Variants in WDR43 observed in about 807,000 individuals in gnomAD.
The protein encoded by WDR43 is WD repeat domain 43, also known as WD repeat-containing protein 43.
WDR43 carries 13 observed loss-of-function variants against 91.4 expected under a neutral mutation model. The ratio of observed to expected loss-of-function variants is 0.14; its 90% CI spans 0.09 to 0.23. WDR43 has a LOEUF of 0.23. Ranked by LOEUF, WDR43 falls within the 10% of genes least tolerant of loss-of-function variation. WDR43 has a pLI of 1.00. For synonymous variants in WDR43, 331 were observed against 287.9 expected (o/e 1.15, Z -1.51); for missense variants, 780 against 809.4 (o/e 0.96, Z 0.44).
chr2:28,914,009 C>T, intron 4 of WDR43, 60 bp from the exon 5 acceptor site: 1 of 1,588,422 alleles, frequency 6.3e-7, no homozygotes. Context: ...ATAATATATA[C>T]TATTAATTTT....
intron 1 of WDR43, among the ~76,000 whole-genome samples, chr2:28,897,640 G>A (rs1331901384): frequency 6.6e-6 from 1 of 152,214 alleles, no homozygotes; most frequent in Non-Finnish European, 1.5e-5. Flanking sequence ...TGTAAGAAAA[G>A]TATTCTATGT....
chr2:28,922,906 A>G lies in WDR43; in HGVS notation c.850-13A>G, dbSNP rs745603541. Reference sequence around the variant, plus strand: ...TTATCCATTATAATACGTTGGTTACATTTTTCTTTTAGCCTGTCAAGTTGG... The same window carrying G: ...TTATCCATTATAATACGTTGGTTACGTTTTTCTTTTAGCCTGTCAAGTTGG... On this transcript the variant is annotated splice_polypyrimidine_tract_variant and intron_variant, in intron 6 of 17. Coordinates refer to ENST00000407426, the MANE Select transcript of WDR43 (RefSeq NM_015131.3). The G allele has an allele frequency of 6.2e-6, 10 of 1,605,122 alleles. No individual in the cohort carries two copies. In the Admixed American group the frequency reaches 1.2e-4, roughly 19 times the overall value.
At chr2:28,916,984 C>A (rs964274706) in intron 5 of WDR43, among the ~76,000 whole-genome samples, 3 of 152,292 alleles carry the variant, frequency 2.0e-5, no homozygotes, top group Non-Finnish European at 2.9e-5. Context: ...TTATTTAACA[C>A]ATATTTTCAC....
chr2:28,916,149 T>C (rs1286001822), intron 5 of WDR43, among the ~76,000 whole-genome samples: 1 of 152,222 alleles, frequency 6.6e-6, no homozygotes, highest in Non-Finnish European at 1.5e-5. Flanking sequence ...TCCTCATGTC[T>C]TCTTGTAATC....
rs527996600 is a variant in WDR43 at position 28,894,722 on chromosome 2, C to G, written c.24C>G (p.Ser8Arg). Residue 8 changes from serine to arginine, a missense_variant, in exon 1 of 18, where the codon AGC (serine) becomes AGG (arginine). By Grantham distance (110) the Ser-to-Arg change is moderately radical (BLOSUM62 -1). This residue lies in a region of WDR43 where 175 missense variants were observed against 113.8 expected (regional missense o/e 1.54). Transcript: ENST00000407426. ...CAATGGCGGCGGGCGGCGGCGGTAG[C>G]TGCGACCCCCTGGCCCCTGCTGGGG... MAAGGGGSCDPLAPAGVP... is the reference protein window; with the variant it reads MAAGGGGRCDPLAPAGVP... 8.3e-6 allele frequency: 13 copies of G among 1,568,948 alleles called. No homozygotes were observed. The African/African-American group carries it at 9.5e-5, about 11-fold the overall frequency.
At position 28,929,934 on chromosome 2, in the gene WDR43, C is replaced by T. The variant is rs572568058; in HGVS notation, c.1437+224C>T. On this transcript the variant is annotated intron_variant, in intron 11 of 17. Coordinates refer to ENST00000407426, the MANE Select transcript of WDR43 (RefSeq NM_015131.3). ...ATTTTGAACCTGGAATGCATTTTCT[C>T]ATAGAAATACTGTTCTGAATTATTA... The T allele has an allele frequency of 1.9e-5, 11 of 586,626 alleles. No individual in the cohort carries two copies. The East Asian group carries it at 2.5e-4, about 13-fold the overall frequency. The allele number at this position is 586,626 out of a possible 1,614,324, so 36.3% of individuals were successfully genotyped here.
At chr2:28,903,334 G>T (rs1284446917) in intron 2 of WDR43, among the ~76,000 whole-genome samples, 2 of 151,964 alleles carry the variant, frequency 1.3e-5, no homozygotes, top group Non-Finnish European at 2.9e-5. Flanking sequence ...GAGCCAAAGG[G>T]TTGCTATATA....
At chr2:28,895,715 T>A (rs1309294705) in intron 1 of WDR43, 1 of 152,196 alleles carries the variant, frequency 6.6e-6, no homozygotes, top group Non-Finnish European at 1.5e-5. Context: ...AGCTTTTCAT[T>A]GTTAGGGACC....
chr2:28,927,780 G>A lies in WDR43; in HGVS notation c.1305+80G>A, dbSNP rs929207194. On this transcript the variant is annotated intron_variant, in intron 10 of 17. Transcript: ENST00000407426. ...AATTCTAACAAGTGTGTTGGATAGA[G>A]CCAAAGTTAAATCTTTAGAAATTTA... 3 of 1,560,458 alleles carry A rather than the reference G, an allele frequency of 1.9e-6. No individual in the cohort carries two copies. In the African/African-American group the frequency reaches 4.1e-5, roughly 21 times the overall value.
chr2:28,945,387 C>G (rs961741836), intron 16 of WDR43, among the ~76,000 whole-genome samples: 1 of 152,174 alleles, frequency 6.6e-6, no homozygotes, highest in Non-Finnish European at 1.5e-5. Flanking sequence ...AAACTAGACT[C>G]GAGTTTTGCA....
intron 14 of WDR43, among the ~76,000 whole-genome samples, chr2:28,939,003 G>A (rs543544243): frequency 6.7e-6 from 1 of 149,102 alleles, no homozygotes; most frequent in Non-Finnish European, 1.5e-5. Context: ...GGTGGCCTGG[G>A]AACACTGGTG....
chr2:28,927,544 C>A, intron 9 of WDR43, 25 bp from the exon 10 acceptor site: 1 of 1,611,338 alleles, frequency 6.2e-7, no homozygotes, highest in Non-Finnish European at 8.5e-7. Context: ...TCCTTTTTCA[C>A]ACTTTGGCTA....
rs567852317 is a variant in WDR43 at position 28,948,150 on chromosome 2, T to C, written c.*1371T>C. 23 of 152,332 alleles carry C rather than the reference T, an allele frequency of 1.5e-4. No homozygotes were observed. The highest frequency in any genetic ancestry group is 5.3e-4 in the African/African-American group (22 of 41,578). The allele number at this position is 152,332 out of a possible 1,614,324, so 9.4% of individuals were successfully genotyped here. A position where few individuals can be genotyped will look rare whatever the true frequency, so the allele number is the denominator to read the frequency against. The stretch of plus-strand genomic sequence containing the variant: ...TGTAATGTACAGTTATATTTGTCTA[T>C]AAATGGAGCTGTTTATGGCAATTTA... On this transcript the variant is annotated 3_prime_UTR_variant, in exon 18 of 18. Transcript: ENST00000407426.
intron 14 of WDR43, 144 bp downstream of exon 14, chr2:28,938,138 T>C (rs1671367578): frequency 5.9e-6 from 5 of 848,676 alleles, no homozygotes; most frequent in Admixed American, 5.8e-5. Context: ...GATTTTGTTT[T>C]ACCCCGGGTG....
chr2:28,922,386 G>A (rs962945077), intron 6 of WDR43, among the ~76,000 whole-genome samples: 1 of 152,168 alleles, frequency 6.6e-6, no homozygotes, highest in African/African-American at 2.4e-5. Flanking sequence ...GACAGCAAGA[G>A]TCTGGTAGGT....
chr2:28,906,589 ACATT>A lies in WDR43; in HGVS notation c.485+12_485+15del, dbSNP rs1282822753. On this transcript the variant is annotated intron_variant, in intron 3 of 17. Coordinates refer to ENST00000407426, the MANE Select transcript of WDR43 (RefSeq NM_015131.3). ...GACATGCAAAGTAAAGTGGTGAGTA[ACATT>A]CATGGTATCAGGAAATGCAATAGAC... The A allele has an allele frequency of 1.9e-6, 3 of 1,610,634 alleles. No homozygotes were observed. Among genetic ancestry groups the A allele is most frequent in the African/African-American group, 2.7e-5 (2 of 74,958 alleles).
At chr2:28,938,250 C>T (rs1433442570) in intron 14 of WDR43, among the ~76,000 whole-genome samples, 1 of 152,038 alleles carries the variant, frequency 6.6e-6, no homozygotes, top group Admixed American at 6.6e-5. Flanking sequence ...TTTACAAATA[C>T]AGAAAGGAGA....
intron 1 of WDR43, among the ~76,000 whole-genome samples, chr2:28,896,888 A>G (rs938988263): frequency 6.6e-6 from 1 of 152,200 alleles, no homozygotes; most frequent in Admixed American, 6.5e-5. Context: ...ATTTTTTTCT[A>G]GGTTTCAGCA....
intron 15 of WDR43, 136 bp from the exon 16 acceptor site, chr2:28,942,176 T>A (rs1671450375): frequency 2.7e-6 from 2 of 735,584 alleles, no homozygotes; most frequent in Non-Finnish European, 4.6e-6. Context: ...TTGCTCTGTA[T>A]TGTATGAAGG....
Sources: gnomAD v4.1 joint callset for allele counts (sites outside exome capture counted in the v4.1 genomes callset) on GRCh38, gnomAD v4.1.1 for gene constraint, gnomAD v4.1.1 regional missense constraint, MANE v1.5 for transcripts, NCBI Gene and HGNC (gene_info 2026-07-23, HGNC 2026-07-21) for gene names.